UBTD2: variants seen among roughly 807,000 people sequenced by gnomAD.
UBTD2 encodes the protein ubiquitin domain-containing protein 2.
In UBTD2, 9 loss-of-function variants were observed where a neutral mutation model predicts 19.8. The ratio of observed to expected loss-of-function variants is 0.46; its 90% CI spans 0.27 to 0.79. UBTD2 has a LOEUF of 0.79. Ranked by LOEUF, UBTD2 falls within the 30% of genes least tolerant of loss-of-function variation. The probability of loss-of-function intolerance (pLI) is 0.14; values close to 1 mark genes in which losing one functional copy is unlikely to be tolerated. For missense variants in UBTD2, 250 were observed against 300.4 expected (o/e 0.83, Z 1.24); for synonymous variants, 98 against 103.9 (o/e 0.94, Z 0.35).
At chr5:172,248,309 G>C (rs1265120386) in intron 1 of UBTD2, among the ~76,000 whole-genome samples, 3 of 152,158 alleles carry the variant, frequency 2.0e-5, no homozygotes, top group African/African-American at 7.2e-5. Context: ...CTACAGCGAG[G>C]CTGGATGGGG....
intron 1 of UBTD2, among the ~76,000 whole-genome samples, chr5:172,277,680 T>C (rs1274677695): frequency 6.6e-6 from 1 of 151,774 alleles, no homozygotes; most frequent in African/African-American, 2.4e-5. Context: ...CACTCCATCA[T>C]GGGTAACAGA....
chr5:172,258,726 C>T (rs28830473), intron 1 of UBTD2, among the ~76,000 whole-genome samples: 49,013 of 151,900 alleles, frequency 0.32, 7,990 homozygotes, highest in South Asian at 0.42. Context: ...CTACTGTGAA[C>T]AGAACTGTAT....
chr5:172,258,554 T>C (rs1199636975), intron 1 of UBTD2, among the ~76,000 whole-genome samples: 1 of 152,230 alleles, frequency 6.6e-6, no homozygotes, highest in Non-Finnish European at 1.5e-5. Context: ...ATCTGTAAAT[T>C]GCCTTGGGCT....
At chr5:172,257,096 A>C (rs562143990) in intron 1 of UBTD2, among the ~76,000 whole-genome samples, 1 of 152,186 alleles carries the variant, frequency 6.6e-6, no homozygotes, top group Non-Finnish European at 1.5e-5. Flanking sequence ...CCAGGTAGCA[A>C]GCACAGTACC....
intron 1 of UBTD2, chr5:172,254,542 A>G (rs1755099845): frequency 1.7e-6 from 1 of 600,802 alleles, no homozygotes; most frequent in Non-Finnish European, 3.0e-6. Context: ...TCCCATGTAC[A>G]TTTGTAGGGT....
intron 2 of UBTD2, 133 bp from the exon 3 acceptor site, chr5:172,212,360 C>T (rs1771468768): frequency 7.5e-6 from 7 of 928,616 alleles, no homozygotes; most frequent in Non-Finnish European, 9.3e-6. Context: ...AGCTGATCAT[C>T]AATGATTATC....
At chr5:172,256,655 T>C (rs1362851759) in intron 1 of UBTD2, among the ~76,000 whole-genome samples, 1 of 152,026 alleles carries the variant, frequency 6.6e-6, no homozygotes, top group African/African-American at 2.4e-5. Context: ...GCGAGGTGGT[T>C]CACACCTGTA....
intron 2 of UBTD2, among the ~76,000 whole-genome samples, chr5:172,215,222 C>T (rs139161851): frequency 2.4e-4 from 37 of 152,308 alleles, no homozygotes; most frequent in African/African-American, 8.2e-4. Context: ...ACAACTTCCT[C>T]GTAGTGACAG....
At chr5:172,255,575 G>C (rs1366323192) in intron 1 of UBTD2, 1 of 254,950 alleles carries the variant, frequency 3.9e-6, no homozygotes, top group African/African-American at 2.3e-5. Flanking sequence ...GGGCGGCGTT[G>C]ACGGCAGGGG....
chr5:172,266,913 G>A (rs1000128927), intron 1 of UBTD2, among the ~76,000 whole-genome samples: 5 of 152,012 alleles, frequency 3.3e-5, no homozygotes, highest in Non-Finnish European at 5.9e-5. Context: ...AGTGGTGTGC[G>A]CCTATAATCC....
intron 1 of UBTD2, chr5:172,254,349 G>A (rs529955672): frequency 2.0e-4 from 44 of 224,620 alleles, no homozygotes; most frequent in African/African-American, 9.6e-4. Context: ...CGCCAGCCTC[G>A]GCCTCCCAAA....
At chr5:172,217,418 CA>C (rs35018283) in intron 2 of UBTD2, among the ~76,000 whole-genome samples, 33,615 of 114,442 alleles carry the variant, frequency 0.29, 4,015 homozygotes, top group African/African-American at 0.43. Flanking sequence ...GACTCTGTCT[CA>C]AAAAAAAAAA....
At chr5:172,222,454 C>G (rs762112913) in intron 2 of UBTD2, among the ~76,000 whole-genome samples, 4 of 152,136 alleles carry the variant, frequency 2.6e-5, no homozygotes, top group Non-Finnish European at 4.4e-5. Context: ...ATAAGAGAAC[C>G]AAGACTGTCC....
chr5:172,226,453 C>A (rs1054973310), intron 2 of UBTD2, among the ~76,000 whole-genome samples: 2 of 152,114 alleles, frequency 1.3e-5, no homozygotes, highest in African/African-American at 4.8e-5. Flanking sequence ...ATAATAAGCA[C>A]GTGAAAAATT....
rs1461361993 is a variant in UBTD2, at chr5:172,271,494, G to GC, written c.70+12101dup. ...TGTTTCAGTGATGCTTTCTGACCCTGCCCCCCACTCCTCCTTGAACTTACA... is the reference window on the plus strand; with the variant it reads ...TGTTTCAGTGATGCTTTCTGACCCTGCCCCCCCACTCCTCCTTGAACTTACA... On this transcript the variant is annotated intron_variant, in intron 1 of 2. Coordinates refer to ENST00000393792, the MANE Select transcript of UBTD2 (RefSeq NM_152277.3). Among the ~76,000 whole-genome samples, 11 of 150,698 alleles carry GC rather than the reference G, an allele frequency of 7.3e-5. No individual in the cohort carries two copies. In the Admixed American group the frequency reaches 7.3e-4, roughly 10 times the overall value.
chr5:172,212,059 G>T lies in UBTD2; in HGVS notation c.476C>A (p.Ser159Tyr), dbSNP rs1771459728. ...CACAAGCTTGAGGTCTTTGCCTGTGGAAAGGCGCAAACGAAGCTGACATTC... is the reference window on the plus strand; with the variant it reads ...CACAAGCTTGAGGTCTTTGCCTGTGTAAAGGCGCAAACGAAGCTGACATTC... ...GYECQLRLRL[S>Y]TGKDLKLVVR... Residue 159 changes from serine to tyrosine, a missense_variant, in exon 3 of 3, where the codon TCC becomes TAC. Ser to Tyr is a moderately radical substitution (Grantham distance 144). Coordinates refer to ENST00000393792, the MANE Select transcript of UBTD2 (RefSeq NM_152277.3). 1 of 1,614,064 alleles carries T rather than the reference G, an allele frequency of 6.2e-7. No individual in the cohort carries two copies. Among genetic ancestry groups the T allele is most frequent in the Admixed American group, 1.7e-5 (1 of 60,004 alleles).
intron 1 of UBTD2, among the ~76,000 whole-genome samples, chr5:172,247,633 G>C (rs2113052443): frequency 6.6e-6 from 1 of 152,316 alleles, no homozygotes; most frequent in East Asian, 1.9e-4. Context: ...TATAATTAAA[G>C]TGTCAATTCA....
At chr5:172,254,530 C>T in intron 1 of UBTD2, 1 of 588,480 alleles carries the variant, frequency 1.7e-6, no homozygotes, top group Non-Finnish European at 3.1e-6. Flanking sequence ...CATGTGCATC[C>T]TTCCCATGTA....
chr5:172,264,706 T>C (rs1177307136), intron 1 of UBTD2, among the ~76,000 whole-genome samples: 2 of 151,944 alleles, frequency 1.3e-5, no homozygotes, highest in African/African-American at 4.8e-5. Flanking sequence ...GAGACTCCCA[T>C]TTCTACAAAA....
Sources: gnomAD v4.1 joint callset for allele counts (sites outside exome capture counted in the v4.1 genomes callset) on GRCh38, gnomAD v4.1.1 for gene constraint, MANE v1.5 for transcripts, NCBI Gene and HGNC (gene_info 2026-07-23, HGNC 2026-07-21) for gene names.